RIMS2: variants seen among roughly 807,000 people sequenced by gnomAD.
RIMS2 encodes regulating synaptic membrane exocytosis protein 2.
A neutral mutation model predicts 174.4 loss-of-function variants in RIMS2; 59 were observed. That is an observed-to-expected ratio of 0.34 (90% CI 0.27 to 0.42). The LOEUF (loss-of-function observed/expected upper bound fraction) is 0.42. RIMS2 is among the 10% of genes least tolerant of loss of function. RIMS2 has a pLI of 1.00. For missense variants in RIMS2, 1,620 were observed against 1,666.3 expected (o/e 0.97, Z 0.48); for synonymous variants, 606 against 572.5 (o/e 1.06, Z -0.84).
At chr8:104,057,277 A>T (rs1217470386) in intron 19 of RIMS2, among the ~76,000 whole-genome samples, 1 of 151,916 alleles carries the variant, frequency 6.6e-6, no homozygotes, top group Non-Finnish European at 1.5e-5. Context: ...TTTGTTGCCT[A>T]GGCTATTTGC....
intron 19 of RIMS2, among the ~76,000 whole-genome samples, chr8:104,198,021 A>G (rs1318314283): frequency 2.0e-5 from 3 of 152,100 alleles, no homozygotes; most frequent in Admixed American, 6.5e-5. Flanking sequence ...AAAATCTTCA[A>G]AAGTATACCT....
intron 19 of RIMS2, among the ~76,000 whole-genome samples, chr8:104,176,788 G>A (rs888717055): frequency 3.3e-5 from 5 of 151,490 alleles, no homozygotes; most frequent in Non-Finnish European, 5.9e-5. Context: ...TTTTTTCCAC[G>A]AGGCCTTCTC....
intron 17 of RIMS2, among the ~76,000 whole-genome samples, chr8:103,996,377 CAT>C (rs1596654886): frequency 6.6e-6 from 1 of 152,018 alleles, no homozygotes; most frequent in East Asian, 1.9e-4. Context: ...TCACAATGAA[CAT>C]ATGTTTTCCT....
intron 1 of RIMS2, among the ~76,000 whole-genome samples, chr8:103,636,122 C>G (rs1462623205): frequency 6.6e-6 from 1 of 152,108 alleles, no homozygotes; most frequent in Non-Finnish European, 1.5e-5. Flanking sequence ...GGTGGTATGC[C>G]CCACTGCCTG....
At chr8:103,923,754 T>TA (rs1423931326) in intron 10 of RIMS2, among the ~76,000 whole-genome samples, 1 of 151,740 alleles carries the variant, frequency 6.6e-6, no homozygotes, top group East Asian at 1.9e-4. Flanking sequence ...CCCACATATA[T>TA]AAAAAATATT....
intron 19 of RIMS2, among the ~76,000 whole-genome samples, chr8:104,159,151 G>A (rs1024646410): frequency 3.3e-5 from 5 of 152,248 alleles, no homozygotes; most frequent in Admixed American, 6.5e-5. Context: ...ATTAAATAAG[G>A]AATCCTTTCC....
At chr8:103,986,972 A>G (rs912172946) in intron 16 of RIMS2, among the ~76,000 whole-genome samples, 2 of 152,084 alleles carry the variant, frequency 1.3e-5, no homozygotes, top group South Asian at 2.1e-4. Context: ...CCATCCACCC[A>G]TAAAGAGAAT....
intron 1 of RIMS2, among the ~76,000 whole-genome samples, chr8:103,520,197 T>C (rs1438450880): frequency 6.6e-6 from 1 of 152,148 alleles, no homozygotes; most frequent in Non-Finnish European, 1.5e-5. Context: ...GATGCAAATG[T>C]AATGTGACGG....
At chr8:103,548,217 A>T (rs1846001280) in intron 1 of RIMS2, among the ~76,000 whole-genome samples, 1 of 152,148 alleles carries the variant, frequency 6.6e-6, no homozygotes, top group Non-Finnish European at 1.5e-5. Context: ...AACAGCAAAA[A>T]AACTTCAGGC....
intron 1 of RIMS2, among the ~76,000 whole-genome samples, chr8:103,523,907 A>G (rs1173529789): frequency 6.6e-6 from 1 of 152,112 alleles, no homozygotes; most frequent in Admixed American, 6.6e-5. Flanking sequence ...TACAACCTAT[A>G]GGTATGAGTT....
intron 4 of RIMS2, among the ~76,000 whole-genome samples, chr8:103,891,544 A>T (rs1161364858): frequency 6.6e-6 from 1 of 152,000 alleles, no homozygotes; most frequent in Non-Finnish European, 1.5e-5. Flanking sequence ...GCCCCATTTG[A>T]TCTTCTTTAA....
chr8:104,196,152 A>G (rs1426801056), intron 19 of RIMS2, among the ~76,000 whole-genome samples: 1 of 152,164 alleles, frequency 6.6e-6, no homozygotes, highest in Admixed American at 6.5e-5. Flanking sequence ...GAGCAGACCA[A>G]TACTCCAAAA....
chr8:103,927,787 G>A (rs558678624), intron 10 of RIMS2: 16 of 1,187,572 alleles, frequency 1.3e-5, no homozygotes, highest in African/African-American at 4.5e-5. Flanking sequence ...TAGTTCCAGC[G>A]TGTTGTCCTT....
At chr8:103,555,798 CT>C (rs1434809226) in intron 1 of RIMS2, among the ~76,000 whole-genome samples, 5 of 70,860 alleles carry the variant, frequency 7.1e-5, no homozygotes, top group African/African-American at 3.1e-4. Context: ...CTCTCTCTCT[CT>C]CAAAAAAAAA....
Position 103,557,867 on chromosome 8 carries a change from C to T in RIMS2, c.176+56805C>T, listed in dbSNP as rs563212388. Among the ~76,000 whole-genome samples, 25 of 152,216 alleles carry T rather than the reference C, an allele frequency of 1.6e-4. 2 individuals are homozygous for T. In the South Asian group the frequency reaches 5.2e-3, roughly 32 times the overall value. On this transcript the variant is annotated intron_variant, in intron 1 of 23. Coordinates refer to ENST00000504942, the Ensembl canonical transcript of RIMS2. Reference sequence around the variant, plus strand: ...AATCTCTAGTATTATAGAAAGAGTACTGAAAATGAGTAGTCTGTGCTCCAG... The same window carrying T: ...AATCTCTAGTATTATAGAAAGAGTATTGAAAATGAGTAGTCTGTGCTCCAG...
intron 19 of RIMS2, among the ~76,000 whole-genome samples, chr8:104,032,039 G>A (rs994087857): frequency 1.3e-5 from 2 of 151,986 alleles, no homozygotes; most frequent in African/African-American, 4.8e-5. Flanking sequence ...TTTAAATACA[G>A]ATGGTCATCC....
chr8:103,600,963 T>C (rs1255987289), intron 1 of RIMS2, among the ~76,000 whole-genome samples: 1 of 152,246 alleles, frequency 6.6e-6, no homozygotes, highest in Non-Finnish European at 1.5e-5. Flanking sequence ...GAATCAGTGA[T>C]GTTGAGCACC....
At position 103,576,462 on chromosome 8, in the gene RIMS2, T is replaced by C. The variant is rs562104600; in HGVS notation, c.176+75400T>C. ...AAAAACAAGAGCAAAGAGGGAACCATGGTCTCCTCAAATGGAGAACGAATG... is the reference window on the plus strand; with the variant it reads ...AAAAACAAGAGCAAAGAGGGAACCACGGTCTCCTCAAATGGAGAACGAATG... On this transcript the variant is annotated intron_variant, in intron 1 of 23. Coordinates refer to ENST00000504942, the Ensembl canonical transcript of RIMS2. Among the ~76,000 whole-genome samples, 5 of 152,346 alleles carry C rather than the reference T, an allele frequency of 3.3e-5. No individual in the cohort carries two copies. The South Asian group carries it at 8.3e-4, about 25-fold the overall frequency.
chr8:104,014,517 G>A lies in RIMS2; in HGVS notation c.3236G>A (p.Arg1079His), dbSNP rs377554442. ...TGGTGTGTCTTTAGGTCTCATCCTC[G>A]TACTGGGTCTGTCCAGACAAGCCCA... Residue 1079 changes from arginine to histidine, a missense_variant, in exon 19 of 24, where the codon CGT becomes CAT. Physicochemically the swap from Arg to His is conservative, Grantham distance 29 (BLOSUM62 0). Around this residue, in one of 2 missense-constraint regions of RIMS2, gnomAD observed 1,395 missense variants for 1,360.1 expected, o/e 1.03. Coordinates refer to ENST00000504942, the Ensembl canonical transcript of RIMS2. 4.1e-5 allele frequency: 65 copies of A among 1,604,074 alleles called. No individual in the cohort carries two copies. The highest frequency in any genetic ancestry group is 3.3e-4 in the Middle Eastern group (2 of 6,044).
Sources: allele counts gnomAD v4.1 joint callset (sites outside exome capture counted in the v4.1 genomes callset), GRCh38; gene constraint gnomAD v4.1.1; regional missense constraint gnomAD v4.1.1; transcripts MANE v1.5; gene names NCBI Gene and HGNC (gene_info 2026-07-23, HGNC 2026-07-21).